The following TAC4 variants were observed in gnomAD, a reference collection of about 807,000 sequenced individuals.
TAC4 encodes the protein tachykinin precursor 4, also known as tachykinin-4.
TAC4 carries 17 observed loss-of-function variants against 17.7 expected under a neutral mutation model. The observed-to-expected ratio is 0.96, with a 90% CI of 0.66 to 1.44. TAC4 has a LOEUF of 1.44. TAC4 is among the 40% of genes most tolerant of loss of function. The probability of loss-of-function intolerance (pLI) is 0.00; values close to 1 mark genes in which losing one functional copy is unlikely to be tolerated. For synonymous variants in TAC4, 62 were observed against 52.4 expected (o/e 1.18, Z -0.79); for missense variants, 118 against 125.6 (o/e 0.94, Z 0.29).
At chr17:49,844,249 G>T in intron 1 of TAC4, 92 bp from the exon 2 acceptor site, 1 of 1,222,136 alleles carries the variant, frequency 8.2e-7, no homozygotes, top group East Asian at 2.4e-5. Flanking sequence ...AGTGACAGCT[G>T]GTGGTCAGCA....
chr17:49,838,410 G>C lies in TAC4; in HGVS notation c.*232C>G. 1.7e-6 allele frequency: 1 copy of C among 605,718 alleles called. No individual in the cohort carries two copies. The highest frequency in any genetic ancestry group is 2.9e-6 in the Non-Finnish European group (1 of 341,248). 37.5% of individuals were successfully genotyped at this position (605,718 alleles called of 1,614,324 possible). ...AGATGCCAACTCTGAGTGTGAGGGA[G>C]GGCAGAGTCAGTGCAGCTTGCTACG... is the stretch of plus-strand genomic sequence containing the variant. On this transcript the variant is annotated 3_prime_UTR_variant, in exon 5 of 5. Coordinates refer to ENST00000436235, the MANE Select transcript of TAC4 (RefSeq NM_001077506.2).
intron 4 of TAC4, among the ~76,000 whole-genome samples, chr17:49,839,356 G>A (rs563309916): frequency 1.5e-4 from 23 of 152,306 alleles, no homozygotes; most frequent in African/African-American, 5.3e-4. Context: ...ATTTGGGGAC[G>A]TGGCCTCTGC....
rs200784490 is a variant in TAC4, at chr17:49,838,604, C to T, written c.*38G>A. The T allele has an allele frequency of 9.9e-6, 16 of 1,613,296 alleles. No individual in the cohort carries two copies. Among genetic ancestry groups the T allele is most frequent in the Admixed American group, 8.3e-5 (5 of 59,972 alleles). ...GCTGTGACATCCAGGTAGGAAGAAG[C>T]GGCACCGTGTCCTCTGGGAAGTCTG... On this transcript the variant is annotated 3_prime_UTR_variant, in exon 5 of 5. Transcript: ENST00000436235.
At chr17:49,846,350 C>A in intron 1 of TAC4, 2 of 716,656 alleles carry the variant, frequency 2.8e-6, no homozygotes, top group South Asian at 1.6e-5. Context: ...AAGCACGACT[C>A]ACTGCAGCCT....
At chr17:49,839,144 G>A (rs567412853) in intron 4 of TAC4, among the ~76,000 whole-genome samples, 2 of 152,238 alleles carry the variant, frequency 1.3e-5, no homozygotes, top group South Asian at 2.1e-4. Context: ...GGAATGAGTC[G>A]AGCAGGTGTT....
At chr17:49,839,767 C>A (rs2074482915) in intron 4 of TAC4, 83 bp downstream of exon 4, 2 of 1,339,016 alleles carry the variant, frequency 1.5e-6, no homozygotes, top group South Asian at 1.4e-5. Context: ...TCTAGCTGCC[C>A]AGCCCCCATC....
chr17:49,840,467 C>T (rs532594142), intron 3 of TAC4, among the ~76,000 whole-genome samples: 11 of 152,088 alleles, frequency 7.2e-5, no homozygotes, highest in African/African-American at 2.2e-4. Flanking sequence ...GTCCTGAGAG[C>T]GCTGAGGGAG....
At chr17:49,839,571 A>C (rs2074481398) in intron 4 of TAC4, among the ~76,000 whole-genome samples, 1 of 152,238 alleles carries the variant, frequency 6.6e-6, no homozygotes, top group African/African-American at 2.4e-5. Flanking sequence ...ACTAGGCATC[A>C]GTCCCTGTGG....
At chr17:49,841,671 G>A (rs1394034402) in intron 2 of TAC4, 87 bp from the exon 3 acceptor site, 1 of 1,379,670 alleles carries the variant, frequency 7.2e-7, no homozygotes, top group Non-Finnish European at 9.6e-7. Flanking sequence ...GTTCTTTGAG[G>A]GTTGGTGCAT....
At chr17:49,846,853 G>GT (rs778353513) in intron 1 of TAC4, 6 of 887,096 alleles carry the variant, frequency 6.8e-6, no homozygotes, top group Non-Finnish European at 9.1e-6. Flanking sequence ...CAGGTACCCT[G>GT]ATGTTTGGCA....
chr17:49,846,659 C>T (rs545582486), intron 1 of TAC4, among the ~76,000 whole-genome samples: 4 of 152,170 alleles, frequency 2.6e-5, no homozygotes, highest in African/African-American at 9.6e-5. Context: ...TATTCCAAGC[C>T]CTGTATTTTG....
chr17:49,838,493 C>A lies in TAC4; in HGVS notation c.*149G>T. The A allele has an allele frequency of 1.1e-6, 1 of 902,172 alleles. No homozygotes were observed. Among genetic ancestry groups the A allele is most frequent in the African/African-American group, 1.7e-5 (1 of 60,220 alleles). 55.9% of individuals were successfully genotyped at this position (902,172 alleles called of 1,614,324 possible). On this transcript the variant is annotated 3_prime_UTR_variant, in exon 5 of 5. Transcript: ENST00000436235. ...TGACACTGAGAGTCCAGGAAGAAGC[C>A]CAGTGGGTTCAGTGTGGGCCTTGTG...
chr17:49,846,062 A>G, intron 1 of TAC4: 1 of 409,160 alleles, frequency 2.4e-6, no homozygotes, highest in Non-Finnish European at 4.2e-6. Context: ...TGAATTCAAT[A>G]GGACTGACCT....
At chr17:49,842,258 C>T (rs1021119703) in intron 2 of TAC4, among the ~76,000 whole-genome samples, 6 of 151,864 alleles carry the variant, frequency 4.0e-5, no homozygotes, top group Admixed American at 1.3e-4. Context: ...GGGCCGGGCG[C>T]GTTGGCTCAC....
chr17:49,839,718 TG>T, intron 4 of TAC4, 131 bp downstream of exon 4: 4 of 799,328 alleles, frequency 5.0e-6, no homozygotes, highest in Non-Finnish European at 7.8e-6. Context: ...CTGCCTCCCC[TG>T]GGGGCCTCCC....
intron 1 of TAC4, among the ~76,000 whole-genome samples, chr17:49,845,240 A>G (rs2074529130): frequency 6.6e-6 from 1 of 152,142 alleles, no homozygotes; most frequent in Non-Finnish European, 1.5e-5. Context: ...GGTGGAGGCT[A>G]TTACCCTGGG....
Position 49,844,100 on chromosome 17 carries a change from T to G in TAC4, c.163A>C (p.Ser55Arg), listed in dbSNP as rs763599895. ...QLQEVKTGKA[S>R]QFFGLMGKRV... The stretch of plus-strand genomic sequence containing the variant: ...TTCCCCATCAGCCCAAAGAACTGGC[T>G]TGCCTTGCCCGTCTTCACCTCCTGC... Residue 55 changes from serine to arginine, a missense_variant, in exon 2 of 5, where the codon AGC becomes CGC. Transcript: ENST00000436235. 2 of 1,613,868 alleles carry G rather than the reference T, an allele frequency of 1.2e-6. No individual in the cohort carries two copies. The highest frequency in any genetic ancestry group is 4.5e-5 in the East Asian group (2 of 44,888).
chr17:49,847,018 G>C (rs1441092182), intron 1 of TAC4: 6 of 1,290,086 alleles, frequency 4.7e-6, no homozygotes, highest in Non-Finnish European at 6.1e-6. Context: ...CACACTTCCA[G>C]GTTCAGACAA....
chr17:49,842,416 A>C (rs370254221), intron 2 of TAC4, among the ~76,000 whole-genome samples: 1 of 151,742 alleles, frequency 6.6e-6, no homozygotes, highest in Non-Finnish European at 1.5e-5. Flanking sequence ...TGTAATCTCA[A>C]CTACTTGGGA....
Sources: gnomAD v4.1 joint callset for allele counts (sites outside exome capture counted in the v4.1 genomes callset) on GRCh38, gnomAD v4.1.1 for gene constraint, MANE v1.5 for transcripts, NCBI Gene and HGNC (gene_info 2026-07-23, HGNC 2026-07-21) for gene names.